EIF5B: variants seen among roughly 807,000 people sequenced by gnomAD.
EIF5B encodes eukaryotic translation initiation factor 5B.
Under a neutral mutation model 147.5 loss-of-function variants are expected in EIF5B, and 47 were observed. That is an observed-to-expected ratio of 0.32 (90% CI 0.25 to 0.41). The LOEUF is 0.41. Ranked by LOEUF, EIF5B falls within the 10% of genes least tolerant of loss-of-function variation. EIF5B has a pLI of 1.00. For missense variants in EIF5B, 1,064 were observed against 1,413.2 expected (o/e 0.75, Z 3.96); for synonymous variants, 455 against 456.2 (o/e 1.00, Z 0.03).
intron 22 of EIF5B, chr2:99,398,194 A>C (rs963356889): frequency 6.6e-6 from 1 of 152,058 alleles, no homozygotes; most frequent in Non-Finnish European, 1.5e-5. Flanking sequence ...TATTTGTGTT[A>C]CTTTCTATGT....
chr2:99,387,017 C>G (rs1674823138), intron 14 of EIF5B, among the ~76,000 whole-genome samples: 2 of 152,110 alleles, frequency 1.3e-5, no homozygotes, highest in Admixed American at 6.5e-5. Flanking sequence ...TTAAGTGATT[C>G]TTGTTCCTCA....
chr2:99,390,701 T>C lies in EIF5B; in HGVS notation c.2744T>C (p.Val915Ala), dbSNP rs1256719341. Residue 915 changes from valine (V) to alanine (A), a missense_variant, in exon 17 of 24, where the codon GTG becomes GCG. Val to Ala is a moderately conservative substitution (Grantham distance 64, BLOSUM62 0). Around this residue, in one of 4 missense-constraint regions of EIF5B, gnomAD observed 380 missense variants for 715.6 expected, o/e 0.53. Coordinates refer to ENST00000289371, the MANE Select transcript of EIF5B (RefSeq NM_015904.4). ...LLPPPMKELRVKNQYEKHKEV... is the reference protein window; with the variant it reads ...LLPPPMKELRAKNQYEKHKEV... Reference sequence around the variant, plus strand: ...CCTCCTCCTATGAAGGAATTACGAGTGAAGGTATGCTGAGGTGGGAAGCAT... The same window carrying C: ...CCTCCTCCTATGAAGGAATTACGAGCGAAGGTATGCTGAGGTGGGAAGCAT... 6.3e-7 allele frequency: 1 copy of C among 1,599,862 alleles called. No homozygotes were observed. Among genetic ancestry groups the C allele is most frequent in the Non-Finnish European group, 8.6e-7 (1 of 1,168,420 alleles).
At chr2:99,340,102 A>G (rs1391344606) in intron 1 of EIF5B, among the ~76,000 whole-genome samples, 1 of 152,202 alleles carries the variant, frequency 6.6e-6, no homozygotes, top group East Asian at 1.9e-4. Flanking sequence ...GATTGTGTTT[A>G]AGAAATCCTG....
chr2:99,394,073 G>A (rs1010452886), intron 18 of EIF5B, among the ~76,000 whole-genome samples, 194 bp from the exon 19 acceptor site: 4 of 152,212 alleles, frequency 2.6e-5, no homozygotes, highest in African/African-American at 9.7e-5. Flanking sequence ...AAGGTGAAGC[G>A]AAATACAGTT....
chr2:99,379,768 T>A (rs1415965965), intron 12 of EIF5B, among the ~76,000 whole-genome samples: 4 of 152,208 alleles, frequency 2.6e-5, no homozygotes, highest in Admixed American at 1.3e-4. Flanking sequence ...CCTTCTAATC[T>A]AATCAATTTC....
chr2:99,386,468 C>CGCGCGTGTGTGTGTGTGT (rs1191263656), intron 14 of EIF5B, among the ~76,000 whole-genome samples: 7 of 142,414 alleles, frequency 4.9e-5, no homozygotes, highest in African/African-American at 1.8e-4. Context: ...TTTTGTTTTG[C>CGCGCGTGTGTGTGTGTGT]GTGTGTGTGT....
chr2:99,397,132 A>G, intron 22 of EIF5B: 1 of 365,208 alleles, frequency 2.7e-6, no homozygotes, highest in South Asian at 6.9e-5. Context: ...ATTGGTAAAT[A>G]TCAGTGCTCC....
Position 99,360,498 on chromosome 2 carries a change from G to A in EIF5B, c.195G>A (p.Leu65=), listed in dbSNP as rs760279243. Residue 65 remains leucine, a synonymous_variant, in exon 3 of 24, where the codon TTG becomes TTA. Transcript: ENST00000289371. The part of the protein sequence containing the change: ...EDDILKELEE[L]SLEAQGIKAD... Reference sequence around the variant, plus strand: ...ATATCCTGAAAGAACTGGAAGAATTGTCTTTGGAAGCTCAAGGCATCAAAG... The same window carrying A: ...ATATCCTGAAAGAACTGGAAGAATTATCTTTGGAAGCTCAAGGCATCAAAG... 1.9e-5 allele frequency: 30 copies of A among 1,613,592 alleles called. No individual in the cohort carries two copies. The highest frequency in any genetic ancestry group is 2.4e-5 in the Non-Finnish European group (28 of 1,179,830).
At chr2:99,344,695 C>T (rs1380819241) in intron 1 of EIF5B, among the ~76,000 whole-genome samples, 1 of 152,142 alleles carries the variant, frequency 6.6e-6, no homozygotes, top group Non-Finnish European at 1.5e-5. Flanking sequence ...CTTCAGCTTC[C>T]CAAAGTACTG....
Position 99,337,417 on chromosome 2 carries a change from G to C in EIF5B, c.-138G>C, listed in dbSNP as rs531167271. On this transcript the variant is annotated 5_prime_UTR_variant, in exon 1 of 24. Coordinates refer to ENST00000289371, the MANE Select transcript of EIF5B (RefSeq NM_015904.4). ...CCATATGTGTCCTGTTCCAGTGCGC[G>C]GGTCTGTGGAGAGCCGGGTGCGAGC... is the stretch of plus-strand genomic sequence containing the variant. 5.7e-6 allele frequency: 6 copies of C among 1,048,574 alleles called. No homozygotes were observed. The highest frequency in any genetic ancestry group is 2.0e-5 in the Admixed American group (1 of 49,744). The allele number at this position is 1,048,574 out of a possible 1,614,324, so 65.0% of individuals were successfully genotyped here. A position where few individuals can be genotyped will look rare whatever the true frequency, so the allele number is the denominator to read the frequency against.
chr2:99,372,905 CTTTTG>C (rs1674482426), intron 9 of EIF5B, among the ~76,000 whole-genome samples: 1 of 151,730 alleles, frequency 6.6e-6, no homozygotes, highest in Non-Finnish European at 1.5e-5. Context: ...TTTGTTTTTG[CTTTTG>C]TTTTTTTTCT....
At chr2:99,372,869 G>T (rs999286636) in intron 9 of EIF5B, among the ~76,000 whole-genome samples, 23 of 152,186 alleles carry the variant, frequency 1.5e-4, no homozygotes, top group African/African-American at 5.5e-4. Context: ...TTTTGTTCAA[G>T]TCTTTCATAG....
intron 6 of EIF5B, 93 bp downstream of exon 6, chr2:99,364,514 A>G: frequency 8.2e-7 from 1 of 1,224,220 alleles, no homozygotes; most frequent in Non-Finnish European, 1.1e-6. Context: ...AATTTGCATC[A>G]GGACAGTTCC....
At chr2:99,381,146 A>G (rs1255196299) in intron 12 of EIF5B, among the ~76,000 whole-genome samples, 2 of 152,126 alleles carry the variant, frequency 1.3e-5, no homozygotes, top group African/African-American at 4.8e-5. Flanking sequence ...AGCTTTTCAA[A>G]TTTATAATTT....
At chr2:99,381,537 G>GTA (rs1674689720) in intron 12 of EIF5B, among the ~76,000 whole-genome samples, 1 of 151,644 alleles carries the variant, frequency 6.6e-6, no homozygotes, top group African/African-American at 2.4e-5. Flanking sequence ...GTGTGTGTGT[G>GTA]TGTGTGTGTG....
chr2:99,340,504 TA>T (rs1469689001), intron 1 of EIF5B: 1 of 152,220 alleles, frequency 6.6e-6, no homozygotes, highest in Non-Finnish European at 1.5e-5. Context: ...ACTGCTTATT[TA>T]GTTATCAAGA....
chr2:99,351,284 T>C (rs72956312), intron 1 of EIF5B, among the ~76,000 whole-genome samples: 22,389 of 152,264 alleles, frequency 0.15, 1,804 homozygotes, highest in East Asian at 0.26. Context: ...GTAGCATTAG[T>C]ACTTCCCTTT....
intron 1 of EIF5B, chr2:99,338,286 G>C (rs888847060): frequency 7.8e-7 from 1 of 1,284,276 alleles, no homozygotes; most frequent in Non-Finnish European, 1.0e-6. Context: ...GCTTTGGGGA[G>C]GGAGGATAAG....
rs1675247919 is a variant in EIF5B at position 99,400,625 on chromosome 2, C to T, written c.*1211C>T. 1 of 152,132 alleles carries T rather than the reference C, an allele frequency of 6.6e-6. No individual in the cohort carries two copies. The highest frequency in any genetic ancestry group is 1.5e-5 in the Non-Finnish European group (1 of 68,038). The allele number at this position is 152,132 out of a possible 1,614,324, so 9.4% of individuals were successfully genotyped here. ...GCAAAAAGACAACACCACCTCTGAT[C>T]TACGGGACATAATGTTCCCAGGAAA... On this transcript the variant is annotated 3_prime_UTR_variant, in exon 24 of 24. Transcript: ENST00000289371.
Sources: allele counts gnomAD v4.1 joint callset (sites outside exome capture counted in the v4.1 genomes callset), GRCh38; gene constraint gnomAD v4.1.1; regional missense constraint gnomAD v4.1.1; transcripts MANE v1.5; gene names NCBI Gene and HGNC (gene_info 2026-07-23, HGNC 2026-07-21).